Variants in SCOC observed in about 807,000 individuals in gnomAD.
SCOC encodes the protein short coiled coil protein.
Under a neutral mutation model 9.9 loss-of-function variants are expected in SCOC, and 7 were observed. The observed-to-expected ratio is 0.71, with a 90% confidence interval of 0.40 to 1.33. The LOEUF (loss-of-function observed/expected upper bound fraction) is 1.33. Among genes scored for constraint, SCOC ranks in the 40% most tolerant of loss-of-function variants. The pLI, the probability that SCOC is intolerant of heterozygous loss-of-function variation, is 0.01. For missense variants in SCOC, 66 were observed against 89.7 expected, an observed-to-expected ratio of 0.74 and a Z score of 1.07; for synonymous variants, 19 against 28.2, an observed-to-expected ratio of 0.67 and a Z score of 1.03.
chr4:140,287,380 G>A (rs1229602147), intron 1 of SCOC, among the ~76,000 whole-genome samples: 2 of 146,324 alleles, frequency 1.4e-5, no homozygotes, highest in Non-Finnish European at 3.0e-5. Context: ...CGAACATGTA[G>A]AAACCATAGA....
Position 140,373,679 on chromosome 4 carries a change from C to A in SCOC, c.-89C>A, listed in dbSNP as rs1332241568. On this transcript the variant is annotated 5_prime_UTR_variant, in exon 1 of 4. Transcript: ENST00000608372. ...GTCCAAGTGTCCCGGCCTGAGGTGT[C>A]GGCCGGATCCCTCCTTCTCCCGGCG... 3 of 1,550,770 alleles carry A rather than the reference C, an allele frequency of 1.9e-6. No individual in the cohort carries two copies. The highest frequency in any genetic ancestry group is 1.7e-6 in the Non-Finnish European group (2 of 1,146,928).
chr4:140,302,345 C>T (rs890604875), intron 1 of SCOC, among the ~76,000 whole-genome samples: 1 of 152,142 alleles, frequency 6.6e-6, no homozygotes, highest in African/African-American at 2.4e-5. Flanking sequence ...AGACCTACTA[C>T]AGACCCAGGG....
intron 1 of SCOC, among the ~76,000 whole-genome samples, chr4:140,324,820 T>G (rs1486625184): frequency 6.6e-6 from 1 of 151,920 alleles, no homozygotes; most frequent in Non-Finnish European, 1.5e-5. Flanking sequence ...TTATAGATGA[T>G]GACAAGCTAA....
At chr4:140,363,550 T>C (rs1282423296) in intron 2 of SCOC, among the ~76,000 whole-genome samples, 1 of 152,254 alleles carries the variant, frequency 6.6e-6, no homozygotes, top group Non-Finnish European at 1.5e-5. Context: ...CTTATGCACA[T>C]GCTTACAGAG....
intron 1 of SCOC, among the ~76,000 whole-genome samples, chr4:140,261,828 C>T (rs1020046579): frequency 3.9e-5 from 6 of 152,020 alleles, no homozygotes; most frequent in Non-Finnish European, 7.4e-5. Flanking sequence ...GAAGGATATC[C>T]GGTGAAGATG....
chr4:140,364,093 C>A (rs1346985116), intron 2 of SCOC, among the ~76,000 whole-genome samples: 2 of 151,644 alleles, frequency 1.3e-5, no homozygotes, highest in African/African-American at 4.9e-5. Context: ...GCTACACCAG[C>A]AAGCATGAAA....
At chr4:140,261,265 C>T (rs1730626889) in intron 1 of SCOC, among the ~76,000 whole-genome samples, 2 of 152,154 alleles carry the variant, frequency 1.3e-5, no homozygotes, top group Non-Finnish European at 2.9e-5. Context: ...ATGTAACATG[C>T]CCCCTTGCTC....
chr4:140,359,368 T>C (rs1441208961), intron 2 of SCOC, among the ~76,000 whole-genome samples: 6 of 152,086 alleles, frequency 3.9e-5, no homozygotes, highest in South Asian at 2.1e-4. Flanking sequence ...TTGGGGGGAA[T>C]TGTATTTCTT....
chr4:140,380,198 T>TC (rs1397347790), intron 3 of SCOC, among the ~76,000 whole-genome samples: 1 of 138,578 alleles, frequency 7.2e-6, no homozygotes, highest in Admixed American at 7.1e-5. Context: ...CTTTTTCTTT[T>TC]TTTTTTTTTT....
intron 1 of SCOC, among the ~76,000 whole-genome samples, chr4:140,330,294 G>C (rs1732774292): frequency 6.6e-6 from 1 of 152,128 alleles, no homozygotes; most frequent in South Asian, 2.1e-4. Flanking sequence ...GCGGACTTGG[G>C]AGAAAGACTA....
At chr4:140,327,329 A>G (rs2126489845) in intron 1 of SCOC, among the ~76,000 whole-genome samples, 1 of 152,264 alleles carries the variant, frequency 6.6e-6, no homozygotes, top group Non-Finnish European at 1.5e-5. Context: ...AGATGCAAAC[A>G]CCACTCTCAG....
chr4:140,331,393 C>T (rs1280277281), intron 1 of SCOC, among the ~76,000 whole-genome samples: 1 of 152,110 alleles, frequency 6.6e-6, no homozygotes, highest in Non-Finnish European at 1.5e-5. Context: ...GTTTTCATTT[C>T]CTGATCACTC....
At chr4:140,289,820 GA>G (rs1731415256) in intron 1 of SCOC, among the ~76,000 whole-genome samples, 1 of 152,234 alleles carries the variant, frequency 6.6e-6, no homozygotes, top group African/African-American at 2.4e-5. Context: ...CCAGCTCAGA[GA>G]AAGCTGATAA....
intron 1 of SCOC, chr4:140,284,295 T>C (rs1356615319): frequency 1.3e-5 from 2 of 151,936 alleles, no homozygotes; most frequent in Non-Finnish European, 2.9e-5. Flanking sequence ...CAAGAGGCTT[T>C]GCTTTACTTG....
In SCOC at chr4:140,383,900, A is replaced by G. The variant is rs1728635898; in HGVS notation, c.*2796A>G. The G allele has an allele frequency of 1.3e-5, 2 of 152,244 alleles. No individual in the cohort carries two copies. The highest frequency in any genetic ancestry group is 2.9e-5 in the Non-Finnish European group (2 of 68,056). 9.4% of individuals were successfully genotyped at this position (152,244 alleles called of 1,614,324 possible). On this transcript the variant is annotated 3_prime_UTR_variant, in exon 4 of 4. Coordinates refer to ENST00000608372, the MANE Select transcript of SCOC (RefSeq NM_001153484.2). ...TTTAATGGAGGCTATCTTGAGATCA[A>G]CTAAAAATAAGATTACACTGGGAAT...
chr4:140,289,733 T>A (rs1240410049), intron 1 of SCOC, among the ~76,000 whole-genome samples: 4 of 152,182 alleles, frequency 2.6e-5, no homozygotes, highest in Non-Finnish European at 1.5e-5. Context: ...CCTTTTCAAG[T>A]GGAAGCCAGC....
At chr4:140,335,867 T>C (rs1732942818) in intron 1 of SCOC, among the ~76,000 whole-genome samples, 1 of 152,196 alleles carries the variant, frequency 6.6e-6, no homozygotes, top group African/African-American at 2.4e-5. Context: ...CCGATTAGCA[T>C]GCACACACAC....
chr4:140,347,849 TG>T (rs1343531066), intron 2 of SCOC, among the ~76,000 whole-genome samples: 1 of 152,186 alleles, frequency 6.6e-6, no homozygotes, highest in Non-Finnish European at 1.5e-5. Context: ...ACTCTTACTA[TG>T]GTTTATTTCA....
At chr4:140,368,913 G>A (rs1182991228), upstream of SCOC, among the ~76,000 whole-genome samples, 1 of 151,372 alleles carries the variant, frequency 6.6e-6, no homozygotes, top group East Asian at 1.9e-4. Flanking sequence ...CCTTCTGGCA[G>A]AGTGAACTGG....
Sources: allele counts gnomAD v4.1 joint callset (sites outside exome capture counted in the v4.1 genomes callset), GRCh38; gene constraint gnomAD v4.1.1; transcripts MANE v1.5; gene names NCBI Gene and HGNC (gene_info 2026-07-23, HGNC 2026-07-21).